Variants in TBC1D32 observed in about 807,000 individuals in gnomAD.
The protein encoded by TBC1D32 is protein broad-minded.
In TBC1D32, 151 loss-of-function variants were observed where a neutral mutation model predicts 170.3. The ratio of observed to expected loss-of-function variants is 0.89; its 90% CI spans 0.78 to 1.01. The LOEUF (loss-of-function observed/expected upper bound fraction) is 1.01, where lower values mean the gene tolerates loss of function less well. TBC1D32 is among the 50% of genes least tolerant of loss of function. The pLI is 0.00. For missense variants in TBC1D32, 1,464 were observed against 1,457.1 expected (o/e 1.00, Z -0.08); for synonymous variants, 498 against 488.0 (o/e 1.02, Z -0.27).
Position 121,325,980 on chromosome 6 carries a change from CA to C in TBC1D32, c.156-4187del, listed in dbSNP as rs200942900. 8.9e-3 allele frequency among the ~76,000 whole-genome samples: 1,354 copies of C among 152,214 alleles called. 25 individuals are homozygous for C. The highest frequency in any genetic ancestry group is 0.031 in the African/African-American group (1,280 of 41,524). On this transcript the variant is annotated intron_variant, in intron 1 of 31. Coordinates refer to ENST00000398212, the MANE Select transcript of TBC1D32 (RefSeq NM_152730.6). ...GTGAAGCATATGAACAGACACTTCT[CA>C]AAAGAAGACATTTACGCAGCCAACA...
chr6:121,304,418 A>T lies in TBC1D32; in HGVS notation c.882T>A (p.Leu294=). 1 of 1,613,484 alleles carries T rather than the reference A, an allele frequency of 6.2e-7. No homozygotes were observed. Among genetic ancestry groups the T allele is most frequent in the Non-Finnish European group, 8.5e-7 (1 of 1,179,644 alleles). ...NMTRLLKKVR[L]LNEYQKEAPS... ...GAGCTTCTTTCTGATATTCATTTAGAAGACGAACCTACAAAGCAGTGCACA... is the reference window on the plus strand; with the variant it reads ...GAGCTTCTTTCTGATATTCATTTAGTAGACGAACCTACAAAGCAGTGCACA... Residue 294 remains leucine (L), a synonymous_variant, in exon 8 of 32, where the codon CTT becomes CTA. Coordinates refer to ENST00000398212, the MANE Select transcript of TBC1D32 (RefSeq NM_152730.6).
At chr6:121,081,062 T>C (rs1288659237) in intron 31 of TBC1D32, among the ~76,000 whole-genome samples, 172 bp from the exon 32 acceptor site, 1 of 152,160 alleles carries the variant, frequency 6.6e-6, no homozygotes, top group African/African-American at 2.4e-5. Context: ...TGCATATATG[T>C]GACAGGAAGA....
chr6:121,276,603 T>G (rs1393222854), intron 15 of TBC1D32, among the ~76,000 whole-genome samples: 1 of 152,150 alleles, frequency 6.6e-6, no homozygotes, highest in East Asian at 1.9e-4. Context: ...AATAAAAGAC[T>G]ATCAAAGTAG....
intron 4 of TBC1D32, among the ~76,000 whole-genome samples, chr6:121,308,686 C>CTTTTCT (rs1807709797): frequency 8.9e-6 from 1 of 112,572 alleles, no homozygotes; most frequent in Non-Finnish European, 1.7e-5. Context: ...AAGCTTACTT[C>CTTTTCT]TTTTTTTTTT....
chr6:121,293,241 C>T (rs1805136147), intron 11 of TBC1D32, among the ~76,000 whole-genome samples: 1 of 151,876 alleles, frequency 6.6e-6, no homozygotes, highest in African/African-American at 2.4e-5. Context: ...CTAAATATTA[C>T]ATTTTAATAT....
rs145051734 is a variant in TBC1D32, at chr6:121,135,709, C to T, written c.2774-3957G>A. Among the ~76,000 whole-genome samples the T allele has an allele frequency of 2.0e-5, 3 of 152,240 alleles. No homozygotes were observed. In the East Asian group the frequency reaches 5.8e-4, roughly 29 times the overall value. On this transcript the variant is annotated intron_variant, in intron 24 of 31. Transcript: ENST00000398212. Reference sequence around the variant, plus strand: ...AAATTTCACAAGGCTGAGAAAGCAACAGCTGGGGGTTATAAACTGAATAAT... The same window carrying T: ...AAATTTCACAAGGCTGAGAAAGCAATAGCTGGGGGTTATAAACTGAATAAT...
At chr6:121,307,946 T>C in intron 5 of TBC1D32, 30 bp downstream of exon 5, 1 of 1,589,272 alleles carries the variant, frequency 6.3e-7, no homozygotes, top group Non-Finnish European at 8.6e-7. Context: ...AAACAAATTA[T>C]TTTTAATATT....
chr6:121,088,542 A>G (rs1776483141), intron 31 of TBC1D32, among the ~76,000 whole-genome samples: 1 of 152,204 alleles, frequency 6.6e-6, no homozygotes, highest in African/African-American at 2.4e-5. Flanking sequence ...GGAGTAGTTA[A>G]AGGGATATGT....
intron 21 of TBC1D32, among the ~76,000 whole-genome samples, chr6:121,218,085 C>A (rs1057363964): frequency 6.6e-6 from 1 of 152,166 alleles, no homozygotes; most frequent in Non-Finnish European, 1.5e-5. Flanking sequence ...ATAAAACTGG[C>A]AGTCAAGTCA....
chr6:121,327,265 A>C (rs9385195), intron 1 of TBC1D32, among the ~76,000 whole-genome samples: 150,407 of 152,214 alleles, frequency 0.99, 74,348 homozygotes, highest in East Asian at 1. Flanking sequence ...CATGAATCCC[A>C]TGAATCTAAA....
chr6:121,296,474 T>G (rs1253373930), intron 10 of TBC1D32, among the ~76,000 whole-genome samples: 1 of 152,122 alleles, frequency 6.6e-6, no homozygotes, highest in Non-Finnish European at 1.5e-5. Context: ...CTAAAAATCA[T>G]TATCTTTTCC....
At chr6:121,307,519 A>G (rs964377375) in intron 5 of TBC1D32, among the ~76,000 whole-genome samples, 1 of 152,202 alleles carries the variant, frequency 6.6e-6, no homozygotes, top group Non-Finnish European at 1.5e-5. Flanking sequence ...AATTTTGACA[A>G]TTAGAAAGCT....
At chr6:121,263,847 T>C (rs1292201346) in intron 15 of TBC1D32, among the ~76,000 whole-genome samples, 1 of 151,990 alleles carries the variant, frequency 6.6e-6, no homozygotes, top group Admixed American at 6.6e-5. Context: ...CCTAGGTAAA[T>C]AATGAAAGTA....
At chr6:121,279,716 G>T (rs1431142092) in intron 14 of TBC1D32, among the ~76,000 whole-genome samples, 1 of 151,924 alleles carries the variant, frequency 6.6e-6, no homozygotes, top group East Asian at 1.9e-4. Context: ...CAATTCATGG[G>T]CTGGTCAATA....
At chr6:121,311,621 G>A (rs560849037) in intron 3 of TBC1D32, among the ~76,000 whole-genome samples, 7 of 152,002 alleles carry the variant, frequency 4.6e-5, no homozygotes, top group African/African-American at 1.2e-4. Context: ...CCAGCTACTC[G>A]GGAGGCCGAG....
chr6:121,240,357 A>ATTTTTTTTT (rs35946120), intron 19 of TBC1D32, among the ~76,000 whole-genome samples: 1,530 of 75,230 alleles, frequency 0.02, 124 homozygotes, highest in East Asian at 0.036. Flanking sequence ...GTTTAGGACA[A>ATTTTTTTTT]TTTTTTTTTT....
At chr6:121,197,095 A>C (rs1199548895) in intron 22 of TBC1D32, among the ~76,000 whole-genome samples, 1 of 152,358 alleles carries the variant, frequency 6.6e-6, no homozygotes, top group East Asian at 1.9e-4. Context: ...CAACAGACTA[A>C]GAAGGGAGTT....
intron 22 of TBC1D32, among the ~76,000 whole-genome samples, chr6:121,181,352 C>T (rs1020093834): frequency 3.3e-5 from 5 of 151,986 alleles, no homozygotes; most frequent in Non-Finnish European, 7.4e-5. Flanking sequence ...ATAGTGAGTT[C>T]TCATAAGATC....
intron 22 of TBC1D32, among the ~76,000 whole-genome samples, chr6:121,186,769 T>C (rs1789260486): frequency 6.6e-6 from 1 of 151,964 alleles, no homozygotes; most frequent in Non-Finnish European, 1.5e-5. Context: ...TACCACCAAA[T>C]AAATACTGAT....
Sources: allele counts gnomAD v4.1 joint callset (sites outside exome capture counted in the v4.1 genomes callset), GRCh38; gene constraint gnomAD v4.1.1; transcripts MANE v1.5; gene names NCBI Gene and HGNC (gene_info 2026-07-23, HGNC 2026-07-21).